PSME4: variants seen among roughly 807,000 people sequenced by gnomAD.
PSME4 encodes proteasome activator complex subunit 4.
In PSME4, 89 loss-of-function variants were observed where a neutral mutation model predicts 253.9. The ratio of observed to expected loss-of-function variants is 0.35; its 90% CI spans 0.30 to 0.42. The LOEUF is 0.42. PSME4 is among the 10% of genes least tolerant of loss of function. The pLI, the probability that PSME4 is intolerant of heterozygous loss-of-function variation, is 1.00. For synonymous variants in PSME4, 851 were observed against 759.2 expected, an observed-to-expected ratio of 1.12 and a Z score of -1.99; for missense variants, 2,014 against 2,195.2, an observed-to-expected ratio of 0.92 and a Z score of 1.65.
At chr2:53,889,473 C>A (rs1679799041) in intron 37 of PSME4, among the ~76,000 whole-genome samples, 1 of 151,920 alleles carries the variant, frequency 6.6e-6, no homozygotes, top group South Asian at 2.1e-4. Context: ...ACAACCATCC[C>A]CCCACCCCCT....
chr2:53,962,346 T>C (rs1204445522), intron 1 of PSME4, among the ~76,000 whole-genome samples: 1 of 119,874 alleles, frequency 8.3e-6, no homozygotes, highest in Non-Finnish European at 1.7e-5. Context: ...CCAGGTTCCA[T>C]AAGAAAAACA....
chr2:53,946,465 G>A (rs942691433), intron 3 of PSME4, among the ~76,000 whole-genome samples: 1 of 152,194 alleles, frequency 6.6e-6, no homozygotes, highest in Admixed American at 6.5e-5. Context: ...AAATGGTGAA[G>A]CCAGTAAGAA....
chr2:53,880,919 T>A (rs1247528726), intron 41 of PSME4, among the ~76,000 whole-genome samples: 1 of 152,244 alleles, frequency 6.6e-6, no homozygotes. Flanking sequence ...GATATTCATT[T>A]ACTGGCAAGG....
intron 28 of PSME4, among the ~76,000 whole-genome samples, chr2:53,900,874 T>C (rs1680366176): frequency 6.6e-6 from 1 of 152,146 alleles, no homozygotes; most frequent in African/African-American, 2.4e-5. Context: ...AAATACAGAT[T>C]TGCAAGTTCC....
intron 1 of PSME4, among the ~76,000 whole-genome samples, chr2:53,968,331 T>C (rs1037973121): frequency 6.6e-5 from 10 of 151,290 alleles, no homozygotes; most frequent in East Asian, 5.9e-4. Flanking sequence ...CGCACAAGCA[T>C]ACTGAAACAC....
At chr2:53,905,051 T>G (rs1219290534) in intron 26 of PSME4, among the ~76,000 whole-genome samples, 1 of 147,288 alleles carries the variant, frequency 6.8e-6, no homozygotes, top group South Asian at 2.2e-4. Flanking sequence ...CCAGTTTTTT[T>G]TTTTTTCCTG....
chr2:53,897,835 C>T, intron 31 of PSME4, 35 bp downstream of exon 31: 2 of 1,602,222 alleles, frequency 1.2e-6, no homozygotes, highest in East Asian at 4.5e-5. Context: ...TACATATTCT[C>T]AAACCCAAGA....
At chr2:53,882,357 T>A (rs74989034) in intron 41 of PSME4, among the ~76,000 whole-genome samples, 4,492 of 152,294 alleles carry the variant, frequency 0.029, 213 homozygotes, top group African/African-American at 0.1. Flanking sequence ...GGATGCAATA[T>A]CTTTTAATTT....
intron 41 of PSME4, among the ~76,000 whole-genome samples, chr2:53,876,647 T>C (rs1356605819): frequency 6.6e-6 from 1 of 151,324 alleles, no homozygotes; most frequent in Non-Finnish European, 1.5e-5. Flanking sequence ...CCTCCAAAAG[T>C]AGATAAGAAT....
chr2:53,961,375 G>C (rs1290431242), intron 1 of PSME4, among the ~76,000 whole-genome samples: 1 of 151,990 alleles, frequency 6.6e-6, no homozygotes, highest in Non-Finnish European at 1.5e-5. Context: ...TATTTGAAAA[G>C]GAGGGAAGAG....
At chr2:53,934,523 C>G in intron 8 of PSME4, 82 bp downstream of exon 8, 1 of 1,422,060 alleles carries the variant, frequency 7.0e-7, no homozygotes, top group Non-Finnish European at 9.6e-7. Context: ...CTATTATCAA[C>G]TTCTGCGACT....
intron 4 of PSME4, among the ~76,000 whole-genome samples, chr2:53,937,843 T>A (rs1197931266): frequency 6.6e-6 from 1 of 151,988 alleles, no homozygotes; most frequent in Non-Finnish European, 1.5e-5. Context: ...ACAAAAAATT[T>A]GCCAGACATG....
Position 53,968,634 on chromosome 2 carries a change from C to G in PSME4, c.242+1909G>C, listed in dbSNP as rs534649079. ...TGCAATATCAAGAATCAGTTTCCAG[C>G]ATCTAACCACTATTCCAAAATAAAA... is the stretch of plus-strand genomic sequence containing the variant. On this transcript the variant is annotated intron_variant, in intron 1 of 46. Coordinates refer to ENST00000404125, the MANE Select transcript of PSME4 (RefSeq NM_014614.3). 2.0e-5 allele frequency among the ~76,000 whole-genome samples: 3 copies of G among 152,314 alleles called. No homozygotes were observed. In the East Asian group the frequency reaches 5.8e-4, roughly 29 times the overall value.
intron 11 of PSME4, 95 bp from the exon 12 acceptor site, chr2:53,927,578 T>C (rs1346838763): frequency 1.2e-5 from 11 of 902,504 alleles, no homozygotes; most frequent in Non-Finnish European, 2.0e-5. Context: ...CAATAAATTA[T>C]CTTGATCAAA....
intron 40 of PSME4, among the ~76,000 whole-genome samples, chr2:53,886,884 T>C (rs1217868851): frequency 6.6e-6 from 1 of 152,174 alleles, no homozygotes. Flanking sequence ...GAAAATACTA[T>C]GTAACATGAA....
At chr2:53,867,079 C>G (rs972511790) in intron 44 of PSME4, among the ~76,000 whole-genome samples, 199 bp from the exon 45 acceptor site, 1 of 152,196 alleles carries the variant, frequency 6.6e-6, no homozygotes, top group Admixed American at 6.5e-5. Flanking sequence ...AATTTGTCAG[C>G]TGGGCACAGT....
intron 12 of PSME4, among the ~76,000 whole-genome samples, chr2:53,926,448 CG>C (rs1262512181): frequency 1.3e-5 from 2 of 152,100 alleles, no homozygotes. Flanking sequence ...CCGAGGCAAG[CG>C]AATCACTTGA....
chr2:53,872,549 T>C (rs1678925123), intron 43 of PSME4, among the ~76,000 whole-genome samples: 1 of 151,888 alleles, frequency 6.6e-6, no homozygotes, highest in Non-Finnish European at 1.5e-5. Context: ...GAGACCAGCC[T>C]GGGCAGTATG....
At chr2:53,964,370 T>C (rs530611168) in intron 1 of PSME4, among the ~76,000 whole-genome samples, 29 of 152,326 alleles carry the variant, frequency 1.9e-4, no homozygotes, top group Admixed American at 1.5e-3. Context: ...TGTCTTATTG[T>C]GCTATTACAT....
Sources: gnomAD v4.1 joint callset for allele counts (sites outside exome capture counted in the v4.1 genomes callset) on GRCh38, gnomAD v4.1.1 for gene constraint, MANE v1.5 for transcripts, NCBI Gene and HGNC (gene_info 2026-07-23, HGNC 2026-07-21) for gene names.